Variants in COL25A1 observed in about 807,000 individuals in gnomAD.
COL25A1 encodes collagen type XXV alpha 1 chain.
Under a neutral mutation model 128.4 loss-of-function variants are expected in COL25A1, and 103 were observed. The ratio of observed to expected loss-of-function variants is 0.80; its 90% CI spans 0.68 to 0.94. The LOEUF (loss-of-function observed/expected upper bound fraction) is 0.94. Ranked by LOEUF, COL25A1 falls within the 40% of genes least tolerant of loss-of-function variation. The probability of loss-of-function intolerance (pLI) is 0.00; values close to 1 mark genes in which losing one functional copy is unlikely to be tolerated. For synonymous variants in COL25A1, 279 were observed against 277.2 expected, an observed-to-expected ratio of 1.01 and a Z score of -0.06; for missense variants, 745 against 840.0, an observed-to-expected ratio of 0.89 and a Z score of 1.40.
intron 3 of COL25A1, among the ~76,000 whole-genome samples, chr4:109,257,030 G>C (rs1195722439): frequency 6.6e-6 from 1 of 152,068 alleles, no homozygotes; most frequent in African/African-American, 2.4e-5. Flanking sequence ...CATTCCATAT[G>C]AGTCAGTATT....
At chr4:108,971,747 C>T (rs1349374527) in intron 8 of COL25A1, among the ~76,000 whole-genome samples, 5 of 152,084 alleles carry the variant, frequency 3.3e-5, no homozygotes, top group Non-Finnish European at 7.4e-5. Context: ...GATCTCTCTG[C>T]CTGCTGTGTA....
rs947739098 is a variant in COL25A1, at chr4:109,069,626, A to G, written c.368-19447T>C. On this transcript the variant is annotated intron_variant, in intron 3 of 37. Transcript: ENST00000399132. ...TGCTGAAGTCAAAAGCTGAATGGCAAACATTTGTGACTACATCTAAAAGGA... is the reference window on the plus strand; with the variant it reads ...TGCTGAAGTCAAAAGCTGAATGGCAGACATTTGTGACTACATCTAAAAGGA... Among the ~76,000 whole-genome samples, 2 of 152,204 alleles carry G rather than the reference A, an allele frequency of 1.3e-5. 1 individual carries two copies. The highest frequency in any genetic ancestry group is 1.3e-4 in the Admixed American group (2 of 15,276).
In COL25A1 at chr4:108,825,106, G is replaced by GA. The variant is rs144337467; in HGVS notation, c.1791+89dup. ...TGTTCTATGCATACCTATATGCACA[G>GA]AAAAAAAAGAAGTATTCTTTTTGTT... On this transcript the variant is annotated intron_variant, in intron 34 of 37. Coordinates refer to ENST00000399132, the MANE Select transcript of COL25A1 (RefSeq NM_198721.4). 0.011 allele frequency: 11,586 copies of GA among 1,070,224 alleles called. 781 individuals are homozygous for GA. The African/African-American group carries it at 0.15, about 14-fold the overall frequency. 66.3% of individuals were successfully genotyped at this position (1,070,224 alleles called of 1,614,324 possible).
chr4:108,945,914 C>T (rs1748683266), intron 8 of COL25A1, among the ~76,000 whole-genome samples: 1 of 152,204 alleles, frequency 6.6e-6, no homozygotes, highest in Admixed American at 6.5e-5. Context: ...ATCCGCCCAC[C>T]TCAGCCTCCC....
In COL25A1 at chr4:108,915,190, A is replaced by G. The variant is rs577291413; in HGVS notation, c.780+2982T>C. Among the ~76,000 whole-genome samples the G allele has an allele frequency of 2.0e-4, 30 of 152,358 alleles. No homozygotes were observed. In the South Asian group the frequency reaches 6.2e-3, roughly 32 times the overall value. On this transcript the variant is annotated intron_variant, in intron 13 of 37. Coordinates refer to ENST00000399132, the MANE Select transcript of COL25A1 (RefSeq NM_198721.4). ...GAAGAACTGAAAGACCATTACAAAA[A>G]TAAGTATTCAGATTAGCAATCAAGG...
intron 3 of COL25A1, among the ~76,000 whole-genome samples, chr4:109,113,798 A>C (rs1767266289): frequency 6.6e-6 from 1 of 152,142 alleles, no homozygotes; most frequent in South Asian, 2.1e-4. Flanking sequence ...TATGTAGTAC[A>C]AAAAGCATGA....
At chr4:108,817,936 T>A (rs2125705878) in intron 36 of COL25A1, among the ~76,000 whole-genome samples, 1 of 152,296 alleles carries the variant, frequency 6.6e-6, no homozygotes, top group East Asian at 1.9e-4. Flanking sequence ...ATATTGAAAG[T>A]AAATACAGTA....
chr4:108,842,338 C>T (rs1241669278), intron 30 of COL25A1, among the ~76,000 whole-genome samples: 1 of 152,100 alleles, frequency 6.6e-6, no homozygotes, highest in Non-Finnish European at 1.5e-5. Flanking sequence ...TTCCTCAAAG[C>T]TCTTGTAATA....
chr4:109,071,766 T>C (rs983976513), intron 3 of COL25A1, among the ~76,000 whole-genome samples: 4 of 152,146 alleles, frequency 2.6e-5, no homozygotes, highest in African/African-American at 7.2e-5. Context: ...TCACACCAGT[T>C]AGAATGGCGA....
chr4:109,211,260 GTATATATATGAAAC>G (rs775719459), intron 3 of COL25A1, among the ~76,000 whole-genome samples: 61,933 of 111,238 alleles, frequency 0.56, 17,143 homozygotes, highest in African/African-American at 0.78. Flanking sequence ...CAATATATAT[GTATATATATGAAAC>G]TATATATATA....
intron 11 of COL25A1, 97 bp from the exon 12 acceptor site, chr4:108,920,701 G>A (rs1170232338): frequency 5.0e-6 from 4 of 798,620 alleles, no homozygotes; most frequent in African/African-American, 1.8e-5. Flanking sequence ...TCTCTTTGCT[G>A]TACTGAAATA....
intron 3 of COL25A1, among the ~76,000 whole-genome samples, chr4:109,252,926 T>C (rs550254100): frequency 6.6e-6 from 1 of 152,184 alleles, no homozygotes; most frequent in Non-Finnish European, 1.5e-5. Flanking sequence ...CATAGCAAAC[T>C]TTCTGTGAGG....
At chr4:109,118,343 A>T (rs1201704267) in intron 3 of COL25A1, among the ~76,000 whole-genome samples, 6 of 147,672 alleles carry the variant, frequency 4.1e-5, no homozygotes, top group Non-Finnish European at 7.4e-5. Context: ...TTGTTAAAAT[A>T]ATGCATTTTA....
At chr4:108,947,404 T>G (rs2125938578) in intron 8 of COL25A1, among the ~76,000 whole-genome samples, 1 of 150,644 alleles carries the variant, frequency 6.6e-6, no homozygotes, top group Admixed American at 6.6e-5. Context: ...ATAGTGCTGT[T>G]GCACTCCAGC....
At chr4:108,834,672 A>G (rs1256336190) in intron 31 of COL25A1, among the ~76,000 whole-genome samples, 1 of 152,192 alleles carries the variant, frequency 6.6e-6, no homozygotes, top group East Asian at 1.9e-4. Context: ...CAAAGTAGTT[A>G]CTCATAACAG....
intron 3 of COL25A1, among the ~76,000 whole-genome samples, chr4:109,061,491 T>A (rs1193814783): frequency 5.3e-5 from 8 of 152,220 alleles, no homozygotes; most frequent in Non-Finnish European, 1.0e-4. Flanking sequence ...ATTTAAGGAA[T>A]TAATTTGCTC....
intron 2 of COL25A1, 74 bp from the exon 3 acceptor site, chr4:109,300,726 A>C: frequency 3.0e-6 from 3 of 989,484 alleles, no homozygotes. Context: ...GACTCTGGCC[A>C]TACGCCTGAT....
chr4:108,990,225 AAAAAAAAAAAAAAAATAT>A (rs1402833255), intron 6 of COL25A1, among the ~76,000 whole-genome samples: 20 of 68,996 alleles, frequency 2.9e-4, no homozygotes, highest in East Asian at 1.7e-3. Context: ...AAAAAAAAAA[AAAAAAAAAAAAAAAATAT>A]ATATATATAT....
At position 109,150,719 on chromosome 4, in the gene COL25A1, T is replaced by C. The variant is rs114941168; in HGVS notation, c.368-100540A>G. 8.2e-3 allele frequency among the ~76,000 whole-genome samples: 1,251 copies of C among 152,268 alleles called. 9 individuals carry two copies. The highest frequency in any genetic ancestry group is 0.012 in the Non-Finnish European group (794 of 67,968). ...CAAATTTCAATGCTGGAAAATATTA[T>C]ATACACATTTATATTTTTTACAATT... On this transcript the variant is annotated intron_variant, in intron 3 of 37. Coordinates refer to ENST00000399132, the MANE Select transcript of COL25A1 (RefSeq NM_198721.4).
Sources: allele counts gnomAD v4.1 joint callset (sites outside exome capture counted in the v4.1 genomes callset), GRCh38; gene constraint gnomAD v4.1.1; transcripts MANE v1.5; gene names NCBI Gene and HGNC (gene_info 2026-07-23, HGNC 2026-07-21).